NRXN1: variants seen among roughly 807,000 people sequenced by gnomAD.
NRXN1 encodes neurexin 1, also known as neurexin-1.
Under a neutral mutation model 150.9 loss-of-function variants are expected in NRXN1, and 39 were observed. The ratio of observed to expected loss-of-function variants is 0.26; its 90% CI spans 0.20 to 0.34. The LOEUF is 0.34. NRXN1 is among the 10% of genes least tolerant of loss of function. NRXN1 has a pLI of 1.00. For synonymous variants in NRXN1, 924 were observed against 757.0 expected (o/e 1.22, Z -3.62); for missense variants, 1,815 against 1,949.9 (o/e 0.93, Z 1.30).
chr2:50,226,280 T>C (rs1455864831), intron 18 of NRXN1, among the ~76,000 whole-genome samples: 4 of 152,030 alleles, frequency 2.6e-5, no homozygotes, highest in Non-Finnish European at 4.4e-5. Flanking sequence ...GCCACACTTG[T>C]AGACTGCTTC....
intron 21 of NRXN1, among the ~76,000 whole-genome samples, chr2:49,951,752 G>A (rs1011453677): frequency 1.3e-5 from 2 of 151,926 alleles, no homozygotes. Flanking sequence ...GAAAAGTAGG[G>A]TTCTAAGCTG....
At chr2:50,559,464 T>C (rs993975052) in intron 8 of NRXN1, among the ~76,000 whole-genome samples, 1 of 152,246 alleles carries the variant, frequency 6.6e-6, no homozygotes, top group African/African-American at 2.4e-5. Context: ...AATGCAATTT[T>C]AGTCACTTCC....
In NRXN1 at chr2:50,538,236, G is replaced by A. The variant is rs943618266; in HGVS notation, c.2143+17C>T. The A allele has an allele frequency of 1.1e-5, 18 of 1,598,998 alleles. No homozygotes were observed. Among genetic ancestry groups the A allele is most frequent in the Non-Finnish European group, 1.5e-5 (17 of 1,170,528 alleles). ...TTTCATCTCAGGGAGTTGGCTGCTGGGGTTTTAGAATCCTACCTCTCTCAC... is the reference window on the plus strand; with the variant it reads ...TTTCATCTCAGGGAGTTGGCTGCTGAGGTTTTAGAATCCTACCTCTCTCAC... On this transcript the variant is annotated intron_variant, in intron 10 of 22. Transcript: ENST00000401669.
chr2:50,271,695 A>T (rs994186316), intron 17 of NRXN1, among the ~76,000 whole-genome samples: 1 of 152,174 alleles, frequency 6.6e-6, no homozygotes, highest in Non-Finnish European at 1.5e-5. Flanking sequence ...CTATTCATAA[A>T]TCTTGTACTT....
intron 17 of NRXN1, among the ~76,000 whole-genome samples, chr2:50,407,629 T>C (rs1395149701): frequency 6.6e-6 from 1 of 152,066 alleles, no homozygotes; most frequent in East Asian, 1.9e-4. Flanking sequence ...TGGGTCATCA[T>C]GGGAGTGGGG....
At chr2:50,364,974 A>T (rs2079485368) in intron 17 of NRXN1, among the ~76,000 whole-genome samples, 1 of 152,104 alleles carries the variant, frequency 6.6e-6, no homozygotes, top group Non-Finnish European at 1.5e-5. Context: ...AAATGAAAAA[A>T]AGAAAAGAAA....
intron 19 of NRXN1, among the ~76,000 whole-genome samples, chr2:50,084,920 A>G (rs1033158360): frequency 6.6e-6 from 1 of 152,228 alleles, no homozygotes; most frequent in Non-Finnish European, 1.5e-5. Context: ...GACACATTCA[A>G]TATACTACTT....
rs564722240 is a variant in NRXN1, at chr2:50,460,543, A to C, written c.3364+4899T>G. 7.2e-5 allele frequency among the ~76,000 whole-genome samples: 11 copies of C among 152,244 alleles called. No homozygotes were observed. In the South Asian group the frequency reaches 2.3e-3, roughly 32 times the overall value. On this transcript the variant is annotated intron_variant, in intron 17 of 22. Coordinates refer to ENST00000401669, the MANE Select transcript of NRXN1 (RefSeq NM_001330078.2). ...TCAGCTGCCCAACAATAATATAAAA[A>C]GACCAATGCTTCCATTTATGCATCT...
chr2:50,567,247 A>T (rs77711715), intron 8 of NRXN1, among the ~76,000 whole-genome samples: 1 of 152,192 alleles, frequency 6.6e-6, no homozygotes, highest in African/African-American at 2.4e-5. Flanking sequence ...ATGAGGTTTA[A>T]CACTAGGATG....
chr2:50,646,643 A>G (rs887959120), intron 5 of NRXN1, among the ~76,000 whole-genome samples: 4 of 151,734 alleles, frequency 2.6e-5, no homozygotes, highest in African/African-American at 9.7e-5. Context: ...TCAACTACGG[A>G]AAAGTCCCCT....
intron 5 of NRXN1, among the ~76,000 whole-genome samples, chr2:50,717,455 A>T (rs900568674): frequency 6.6e-6 from 1 of 152,164 alleles, no homozygotes; most frequent in African/African-American, 2.4e-5. Context: ...AATGTAGCTA[A>T]CTGTGAATTT....
chr2:50,564,147 C>G (rs947067133), intron 8 of NRXN1, among the ~76,000 whole-genome samples: 1 of 152,164 alleles, frequency 6.6e-6, no homozygotes, highest in African/African-American at 2.4e-5. Flanking sequence ...CTGCCTTGGC[C>G]AAGTTGCTTA....
At chr2:50,728,552 C>T (rs776752881) in intron 5 of NRXN1, among the ~76,000 whole-genome samples, 1 of 152,114 alleles carries the variant, frequency 6.6e-6, no homozygotes, top group Non-Finnish European at 1.5e-5. Context: ...TACCTTAATA[C>T]ATCAATATGT....
At chr2:50,542,836 T>A (rs1159931739) in intron 9 of NRXN1, among the ~76,000 whole-genome samples, 2 of 152,076 alleles carry the variant, frequency 1.3e-5, no homozygotes, top group Non-Finnish European at 2.9e-5. Flanking sequence ...AAAGAACATA[T>A]TCACCTAGCA....
intron 2 of NRXN1, among the ~76,000 whole-genome samples, chr2:50,994,258 A>ACACT (rs1698958656): frequency 6.6e-6 from 1 of 151,960 alleles, no homozygotes; most frequent in South Asian, 2.1e-4. Context: ...TCACACACAC[A>ACACT]CACTCTCTCT....
intron 5 of NRXN1, among the ~76,000 whole-genome samples, chr2:50,865,191 G>C (rs1026308101): frequency 6.6e-6 from 1 of 151,830 alleles, no homozygotes; most frequent in African/African-American, 2.4e-5. Flanking sequence ...AAGACAGCTA[G>C]GAACAGTGCA....
rs527662089 is a variant in NRXN1 at position 50,991,731 on chromosome 2, T to C, written c.772+35771A>G. Among the ~76,000 whole-genome samples, 26 of 152,058 alleles carry C rather than the reference T, an allele frequency of 1.7e-4. No homozygotes were observed. The South Asian group carries it at 4.1e-3, about 24-fold the overall frequency. The stretch of plus-strand genomic sequence containing the variant: ...TTTCCAGAAAACAGATTATCTAATA[T>C]CTTGGGAACGCGATTCAAGGAGCAC... On this transcript the variant is annotated intron_variant, in intron 2 of 22. Coordinates refer to ENST00000401669, the MANE Select transcript of NRXN1 (RefSeq NM_001330078.2).
intron 5 of NRXN1, chr2:50,758,006 C>T (rs1304042185): frequency 6.6e-6 from 1 of 151,666 alleles, no homozygotes; most frequent in East Asian, 2.0e-4. Context: ...TATTCTCTTA[C>T]TTGAGGGAAT....
At chr2:50,072,166 T>C (rs553888382) in intron 19 of NRXN1, among the ~76,000 whole-genome samples, 3 of 152,340 alleles carry the variant, frequency 2.0e-5, no homozygotes, top group South Asian at 2.1e-4. Flanking sequence ...TATTTTCTAC[T>C]ACCATTTTCT....
Sources: allele counts gnomAD v4.1 joint callset (sites outside exome capture counted in the v4.1 genomes callset), GRCh38; gene constraint gnomAD v4.1.1; transcripts MANE v1.5; gene names NCBI Gene and HGNC (gene_info 2026-07-23, HGNC 2026-07-21).